LPCAT1: variants seen among roughly 807,000 people sequenced by gnomAD.
LPCAT1 encodes the protein lysophosphatidylcholine acyltransferase 1, also known as 1-acylglycerol-3-phosphate O-acyltransferase.
In LPCAT1, 23 loss-of-function variants were observed where a neutral mutation model predicts 60.9. The ratio of observed to expected loss-of-function variants is 0.38; its 90% CI spans 0.27 to 0.53. The LOEUF (loss-of-function observed/expected upper bound fraction) is 0.53. Ranked by LOEUF, LPCAT1 falls within the 20% of genes least tolerant of loss-of-function variation. The pLI, the probability that LPCAT1 is intolerant of heterozygous loss-of-function variation, is 0.82. For missense variants in LPCAT1, 622 were observed against 723.6 expected (o/e 0.86, Z 1.61); for synonymous variants, 340 against 301.1 (o/e 1.13, Z -1.34).
chr5:1,474,179 C>A (rs1432322031), intron 10 of LPCAT1, 69 bp from the exon 11 acceptor site: 2 of 1,470,922 alleles, frequency 1.4e-6, no homozygotes, highest in Non-Finnish European at 1.9e-6. Flanking sequence ...AGATTTACTT[C>A]TAAGACTCAT....
In LPCAT1 at chr5:1,496,952, G is replaced by A. The variant is rs59614796; in HGVS notation, c.279-2038C>T. On this transcript the variant is annotated intron_variant, in intron 2 of 13. Coordinates refer to ENST00000283415, the MANE Select transcript of LPCAT1 (RefSeq NM_024830.5). This position sits in a 1 kb window ranked among gnomAD's most constrained non-coding sequence, Gnocchi z 4.7. ...CAGATCTATCTGCATACACAGGAGC[G>A]GGGATCTCCATCAGCACCCCCAGGA... 1.0e-3 allele frequency among the ~76,000 whole-genome samples: 152 copies of A among 152,276 alleles called. 1 individual carries two copies. The highest frequency in any genetic ancestry group is 3.4e-3 in the African/African-American group (140 of 41,542).
intron 2 of LPCAT1, among the ~76,000 whole-genome samples, chr5:1,498,091 A>C (rs1327693399): frequency 6.6e-6 from 1 of 152,258 alleles, no homozygotes; most frequent in South Asian, 2.1e-4. Flanking sequence ...ACTAACTTAC[A>C]TTCAGCAAAA....
intron 11 of LPCAT1, among the ~76,000 whole-genome samples, chr5:1,471,668 C>T (rs1329696442): frequency 6.6e-6 from 1 of 150,864 alleles, no homozygotes; most frequent in Non-Finnish European, 1.5e-5. Flanking sequence ...GGTCAGAGAG[C>T]AGGAGGAGGT....
chr5:1,466,613 T>C, intron 13 of LPCAT1, 136 bp downstream of exon 13: 1 of 948,712 alleles, frequency 1.1e-6, no homozygotes, highest in South Asian at 2.5e-5. Flanking sequence ...GGTTTCTTTG[T>C]TACACAGGGC....
rs1478683870 is a variant in LPCAT1, at chr5:1,522,286, G to A, written c.135+1424C>T. 2.0e-5 allele frequency among the ~76,000 whole-genome samples: 3 copies of A among 152,198 alleles called. No individual in the cohort carries two copies. Among genetic ancestry groups the A allele is most frequent in the Non-Finnish European group, 4.4e-5 (3 of 68,036 alleles). On this transcript the variant is annotated intron_variant, in intron 1 of 13. Transcript: ENST00000283415. This position sits in a 1 kb window ranked among gnomAD's most constrained non-coding sequence, Gnocchi z 6.8. ...GCTGGGTGGGGGTGAGGATTGAAGAGGAGGAATGGTTGAGGGGCACAGAAT... is the reference window on the plus strand; with the variant it reads ...GCTGGGTGGGGGTGAGGATTGAAGAAGAGGAATGGTTGAGGGGCACAGAAT...
chr5:1,494,416 G>GT (rs1735701708), intron 3 of LPCAT1, among the ~76,000 whole-genome samples: 1 of 148,020 alleles, frequency 6.8e-6, no homozygotes, highest in Non-Finnish European at 1.5e-5. Flanking sequence ...CAGCGTGGTG[G>GT]GGGGGGGGTC....
In LPCAT1 at chr5:1,465,417, ACATGCACACACACACAAAACAAGCG is replaced by A. The variant is rs1734335332; in HGVS notation, c.1420+1307_1420+1331del. Among the ~76,000 whole-genome samples, 2 of 149,948 alleles carry A rather than the reference ACATGCACACACACACAAAACAAGCG, an allele frequency of 1.3e-5. 1 individual carries two copies. Among genetic ancestry groups the A allele is most frequent in the African/African-American group, 4.9e-5 (2 of 40,682 alleles). ...GCGCATGCACACATGGTAACTACAC[ACATGCACACACACACAAAACAAGCG>A]CAGGTACACACAGTAACTAAACATG... On this transcript the variant is annotated intron_variant, in intron 13 of 13. Coordinates refer to ENST00000283415, the MANE Select transcript of LPCAT1 (RefSeq NM_024830.5).
At chr5:1,520,699 A>G (rs1736643965) in intron 1 of LPCAT1, among the ~76,000 whole-genome samples, 1 of 151,872 alleles carries the variant, frequency 6.6e-6, no homozygotes, top group Admixed American at 6.6e-5. Flanking sequence ...TCTCTACTAA[A>G]AATACAAAAA....
intron 9 of LPCAT1, 53 bp from the exon 10 acceptor site, chr5:1,474,738 A>G: frequency 6.4e-7 from 1 of 1,563,332 alleles, no homozygotes; most frequent in East Asian, 2.3e-5. Context: ...GCCAGTTCCC[A>G]CCGCCCCACC....
At position 1,477,190 on chromosome 5, in the gene LPCAT1, C is replaced by T. The variant is rs1444392416; in HGVS notation, c.899+214G>A. ...AGGTCTGGAAGAACCAGTCATGCAT[C>T]TTCCCAACGTCAAAGAGGGTGAAAT... is the stretch of plus-strand genomic sequence containing the variant. On this transcript the variant is annotated intron_variant, in intron 9 of 13. Coordinates refer to ENST00000283415, the MANE Select transcript of LPCAT1 (RefSeq NM_024830.5). This position sits in a 1 kb window ranked among gnomAD's most constrained non-coding sequence, Gnocchi z 6.0. 6.6e-6 allele frequency among the ~76,000 whole-genome samples: 1 copy of T among 152,206 alleles called. No homozygotes were observed. The highest frequency in any genetic ancestry group is 1.5e-5 in the Non-Finnish European group (1 of 68,048).
chr5:1,511,494 C>T (rs1736355905), intron 1 of LPCAT1, among the ~76,000 whole-genome samples: 1 of 150,518 alleles, frequency 6.6e-6, no homozygotes, highest in Non-Finnish European at 1.5e-5. Context: ...GATGCACCTG[C>T]TCACCTCGCT....
intron 1 of LPCAT1, among the ~76,000 whole-genome samples, chr5:1,516,389 G>T (rs561719008): frequency 8.5e-5 from 13 of 152,302 alleles, no homozygotes; most frequent in African/African-American, 3.1e-4. Flanking sequence ...CACTGCTGCA[G>T]AAAGGTGGAT....
rs892761407 is a variant in LPCAT1 at position 1,512,654 on chromosome 5, C to T, written c.136-11051G>A. ...GGCCCCCTGAGCTATGTATGGCCCA[C>T]GCCTTCACCTGGAGTCTTCCTCCCA... On this transcript the variant is annotated intron_variant, in intron 1 of 13. Transcript: ENST00000283415. 2.0e-5 allele frequency among the ~76,000 whole-genome samples: 3 copies of T among 152,254 alleles called. No homozygotes were observed. In the South Asian group the frequency reaches 6.2e-4, roughly 31 times the overall value.
At chr5:1,510,071 A>G (rs1247565107) in intron 1 of LPCAT1, among the ~76,000 whole-genome samples, 1 of 151,928 alleles carries the variant, frequency 6.6e-6, no homozygotes, top group East Asian at 1.9e-4. Flanking sequence ...CTTGTGCCAA[A>G]TTTATGGTGG....
intron 3 of LPCAT1, among the ~76,000 whole-genome samples, chr5:1,493,133 C>T (rs953408250): frequency 1.3e-5 from 2 of 152,242 alleles, no homozygotes; most frequent in Non-Finnish European, 1.5e-5. Flanking sequence ...CCTCCAGTGC[C>T]GGCCTGTCCA....
intron 2 of LPCAT1, 144 bp downstream of exon 2, chr5:1,501,317 G>T (rs1579801663): frequency 8.7e-7 from 1 of 1,152,408 alleles, no homozygotes; most frequent in East Asian, 2.6e-5. Context: ...ACTGGCAGGG[G>T]GCAGCCCTGG....
At chr5:1,519,065 T>C (rs1736593923) in intron 1 of LPCAT1, among the ~76,000 whole-genome samples, 1 of 152,234 alleles carries the variant, frequency 6.6e-6, no homozygotes, top group Admixed American at 6.5e-5. Flanking sequence ...GTTTTAAAAG[T>C]TGGCACAGAT....
rs571564824 is a variant in LPCAT1, at chr5:1,520,801, T to C, written c.135+2909A>G. Among the ~76,000 whole-genome samples, 38 of 140,576 alleles carry C rather than the reference T, an allele frequency of 2.7e-4. No individual in the cohort carries two copies. The South Asian group carries it at 8.2e-3, about 30-fold the overall frequency. The allele number at this position is 140,576 out of a possible 152,430, so 92.2% of individuals were successfully genotyped here. ...TGGCGTGAACCCGGGAAGCAGAGCT[T>C]GTAGTGAGCCGATATCGCACCTCTG... On this transcript the variant is annotated intron_variant, in intron 1 of 13. Transcript: ENST00000283415.
chr5:1,479,698 T>C (rs1189366593), intron 7 of LPCAT1, 23 bp from the exon 8 acceptor site: 4 of 1,590,482 alleles, frequency 2.5e-6, no homozygotes, highest in Non-Finnish European at 3.5e-6. Flanking sequence ...TTGCACAATG[T>C]TGAGCAGATT....
Sources: gnomAD v4.1 joint callset for allele counts (sites outside exome capture counted in the v4.1 genomes callset) on GRCh38, gnomAD v4.1.1 for gene constraint, Gnocchi (gnomAD v3.1) non-coding constraint, MANE v1.5 for transcripts, NCBI Gene and HGNC (gene_info 2026-07-23, HGNC 2026-07-21) for gene names.